PSMF1: variants seen among roughly 807,000 people sequenced by gnomAD.
PSMF1 encodes the protein proteasome inhibitor subunit 1.
In PSMF1, 30 loss-of-function variants were observed where a neutral mutation model predicts 29.3. The ratio of observed to expected loss-of-function variants is 1.02; its 90% CI spans 0.77 to 1.39. The LOEUF (loss-of-function observed/expected upper bound fraction) is 1.39. Among genes scored for constraint, PSMF1 ranks in the 40% most tolerant of loss-of-function variants. The pLI, the probability that PSMF1 is intolerant of heterozygous loss-of-function variation, is 0.00. For synonymous variants in PSMF1, 134 were observed against 139.7 expected (o/e 0.96, Z 0.29); for missense variants, 344 against 357.5 (o/e 0.96, Z 0.31).
intron 4 of PSMF1, among the ~76,000 whole-genome samples, chr20:1,156,482 G>T (rs1272727713): frequency 3.9e-5 from 6 of 151,932 alleles, no homozygotes; most frequent in African/African-American, 1.5e-4. Flanking sequence ...CTGCTGAAAA[G>T]ATTAAAAAAG....
At chr20:1,162,919 C>A (rs114147390) in intron 4 of PSMF1, among the ~76,000 whole-genome samples, 276 of 152,198 alleles carry the variant, frequency 1.8e-3, no homozygotes, top group African/African-American at 6.5e-3. Flanking sequence ...ATATTTTAAT[C>A]TATGTTTTTA....
At chr20:1,138,441 T>A (rs981139209) in intron 4 of PSMF1, among the ~76,000 whole-genome samples, 1 of 150,476 alleles carries the variant, frequency 6.6e-6, no homozygotes, top group Non-Finnish European at 1.5e-5. Context: ...AGGAATCGCT[T>A]GAACCCGGGA....
Position 1,164,604 on chromosome 20 carries a change from T to A in PSMF1, c.764+128T>A. ...CCTTCACCTGTTGCTGCCAGGAGAG[T>A]GGAGCCTCCTCCAGGGCCCTGCCTG... On this transcript the variant is annotated intron_variant, in intron 6 of 6. Coordinates refer to ENST00000335877, the MANE Select transcript of PSMF1 (RefSeq NM_006814.5). This position sits in a 1 kb window ranked among gnomAD's most constrained non-coding sequence, Gnocchi z 4.1. 1 of 1,288,358 alleles carries A rather than the reference T, an allele frequency of 7.8e-7. No homozygotes were observed. The highest frequency in any genetic ancestry group is 1.1e-6 in the Non-Finnish European group (1 of 930,774). 79.8% of individuals were successfully genotyped at this position (1,288,358 alleles called of 1,614,324 possible). A position where few individuals can be genotyped will look rare whatever the true frequency, so the allele number is the denominator to read the frequency against.
At chr20:1,134,827 G>T (rs1255416711) in intron 3 of PSMF1, 1 of 466,308 alleles carries the variant, frequency 2.1e-6, no homozygotes, top group Non-Finnish European at 4.0e-6. Context: ...GGACAGAGGA[G>T]TAGCCAATCC....
rs563841278 is a variant in PSMF1 at position 1,127,830 on chromosome 20, C to G, written c.365+322C>G. The stretch of plus-strand genomic sequence containing the variant: ...TGTGTGCCTCATTGGGTCCCCAACC[C>G]CAATCTCCAACTTATTTAAAAAAAA... On this transcript the variant is annotated intron_variant, in intron 3 of 6. Transcript: ENST00000335877. 2.6e-5 allele frequency among the ~76,000 whole-genome samples: 4 copies of G among 152,136 alleles called. No individual in the cohort carries two copies. In the East Asian group the frequency reaches 5.8e-4, roughly 22 times the overall value.
chr20:1,161,150 C>CA, intron 4 of PSMF1: 1 of 364,914 alleles, frequency 2.7e-6, no homozygotes, highest in Admixed American at 3.4e-5. Context: ...TGAAGATTCT[C>CA]ACAGAGTACG....
chr20:1,134,414 A>G (rs1397988754), intron 3 of PSMF1, among the ~76,000 whole-genome samples: 3 of 152,230 alleles, frequency 2.0e-5, no homozygotes, highest in Non-Finnish European at 2.9e-5. Flanking sequence ...TTATGATTCC[A>G]TATGGTTGGA....
At position 1,170,965 on chromosome 20, in the gene PSMF1, TG is replaced by T. The variant is rs1306745875; in HGVS notation, c.*5889del. On this transcript the variant is annotated 3_prime_UTR_variant, in exon 7 of 7. Transcript: ENST00000335877. ...TAGTTGAGATGCTGCACCTACCCCC[TG>T]GGGTGGCAGAACCGTGATTGGAACC... Among the ~76,000 whole-genome samples, 2 of 151,960 alleles carry T rather than the reference TG, an allele frequency of 1.3e-5. No individual in the cohort carries two copies. Among genetic ancestry groups the T allele is most frequent in the African/African-American group, 4.8e-5 (2 of 41,362 alleles).
At chr20:1,133,167 T>TTC (rs1416417779) in intron 3 of PSMF1, among the ~76,000 whole-genome samples, 1 of 151,492 alleles carries the variant, frequency 6.6e-6, no homozygotes, top group Non-Finnish European at 1.5e-5. Context: ...TTCCCAATCT[T>TTC]AGGAGCAAAG....
chr20:1,125,445 A>G, intron 1 of PSMF1, 53 bp from the exon 2 acceptor site: 1 of 1,527,234 alleles, frequency 6.5e-7, no homozygotes, highest in Non-Finnish European at 8.8e-7. Context: ...GGTTCTTTAT[A>G]GTTCTGTGTT....
chr20:1,134,019 G>C (rs1477231219), intron 3 of PSMF1, among the ~76,000 whole-genome samples: 2 of 151,796 alleles, frequency 1.3e-5, no homozygotes, highest in African/African-American at 2.4e-5. Context: ...GTCTCGCCAG[G>C]AGTTGGTCAG....
intron 4 of PSMF1, among the ~76,000 whole-genome samples, chr20:1,157,266 A>C (rs945343388): frequency 2.6e-5 from 4 of 152,318 alleles, no homozygotes; most frequent in Non-Finnish European, 5.9e-5. Flanking sequence ...CAACACCCTC[A>C]CAGACACACC....
Position 1,163,631 on chromosome 20 carries a change from G to C in PSMF1, c.605+448G>C, listed in dbSNP as rs2086694034. ...TGTCTTCCCTGAATGATTCCAAATA[G>C]ATTTTAACCTCTGCTACAAAGTGAC... On this transcript the variant is annotated intron_variant, in intron 5 of 6. Transcript: ENST00000335877. The surrounding 1 kb of genome is among the most constrained non-coding windows in gnomAD (Gnocchi z 6.1). Among the ~76,000 whole-genome samples, 1 of 152,226 alleles carries C rather than the reference G, an allele frequency of 6.6e-6. No individual in the cohort carries two copies. Among genetic ancestry groups the C allele is most frequent in the Non-Finnish European group, 1.5e-5 (1 of 68,046 alleles).
Position 1,165,363 on chromosome 20 carries a change from C to T in PSMF1, c.*283C>T, listed in dbSNP as rs1323959758. 10 of 1,335,952 alleles carry T rather than the reference C, an allele frequency of 7.5e-6. No individual in the cohort carries two copies. The highest frequency in any genetic ancestry group is 4.4e-5 in the African/African-American group (3 of 67,796). The allele number at this position is 1,335,952 out of a possible 1,614,324, so 82.8% of individuals were successfully genotyped here. ...CCTCTCCACTTCCCAAGGGAGACTCCGGCAACCTTCAGCAACATATATCCT... is the reference window on the plus strand; with the variant it reads ...CCTCTCCACTTCCCAAGGGAGACTCTGGCAACCTTCAGCAACATATATCCT... On this transcript the variant is annotated 3_prime_UTR_variant, in exon 7 of 7. Transcript: ENST00000335877.
In PSMF1 at chr20:1,170,581, C is replaced by T. The variant is rs1041662249; in HGVS notation, c.*5501C>T. ...AGGATTGGGAAGGTCCAGTAATTTG[C>T]TCAGGGTCAAGCAGGAGTCTCAGAC... On this transcript the variant is annotated 3_prime_UTR_variant, in exon 7 of 7. Transcript: ENST00000335877. Among the ~76,000 whole-genome samples the T allele has an allele frequency of 1.1e-4, 16 of 151,984 alleles. No individual in the cohort carries two copies. Among genetic ancestry groups the T allele is most frequent in the African/African-American group, 3.6e-4 (15 of 41,276 alleles).
intron 4 of PSMF1, chr20:1,161,663 T>G (rs1408452386): frequency 3.0e-6 from 2 of 673,584 alleles, no homozygotes; most frequent in Non-Finnish European, 5.6e-6. Context: ...GTATGACAAG[T>G]CGGGCCCCTC....
intron 3 of PSMF1, among the ~76,000 whole-genome samples, chr20:1,130,659 C>G (rs1364919120): frequency 6.6e-6 from 1 of 152,100 alleles, no homozygotes; most frequent in Non-Finnish European, 1.5e-5. Context: ...GTCAGGTTTC[C>G]CTCTGTTGCC....
At chr20:1,127,606 T>A in intron 3 of PSMF1, 98 bp downstream of exon 3, 1 of 1,011,134 alleles carries the variant, frequency 9.9e-7, no homozygotes, top group Non-Finnish European at 1.5e-6. Flanking sequence ...TTAAGGAAGG[T>A]GAATGGAAGA....
intron 3 of PSMF1, among the ~76,000 whole-genome samples, chr20:1,130,952 G>C (rs2066875887): frequency 6.6e-6 from 1 of 152,184 alleles, no homozygotes; most frequent in African/African-American, 2.4e-5. Context: ...CTCCTTGAGG[G>C]CAGGGTTTGG....
Sources: allele counts gnomAD v4.1 joint callset (sites outside exome capture counted in the v4.1 genomes callset), GRCh38; gene constraint gnomAD v4.1.1; non-coding constraint Gnocchi (gnomAD v3.1); transcripts MANE v1.5; gene names NCBI Gene and HGNC (gene_info 2026-07-23, HGNC 2026-07-21).